NPAS3: variants seen among roughly 807,000 people sequenced by gnomAD.
NPAS3 encodes neuronal PAS domain protein 3.
A neutral mutation model predicts 73.1 loss-of-function variants in NPAS3; 14 were observed. The observed-to-expected ratio is 0.19, with a 90% CI of 0.13 to 0.30. The LOEUF (loss-of-function observed/expected upper bound fraction) is 0.30, where lower values mean the gene tolerates loss of function less well. Among genes scored for constraint, NPAS3 ranks in the 10% least tolerant of loss-of-function variants. The pLI is 1.00. For missense variants in NPAS3, 1,096 were observed against 1,250.0 expected (o/e 0.88, Z 1.86); for synonymous variants, 620 against 541.5 (o/e 1.14, Z -2.01).
chr14:33,286,906 T>A (rs1207156043), intron 3 of NPAS3, among the ~76,000 whole-genome samples: 2 of 152,178 alleles, frequency 1.3e-5, no homozygotes, highest in Non-Finnish European at 1.5e-5. Flanking sequence ...AGCCGTGATT[T>A]CCTTAAAAAT....
At chr14:33,775,416 A>G (rs2138480237) in intron 8 of NPAS3, among the ~76,000 whole-genome samples, 1 of 152,294 alleles carries the variant, frequency 6.6e-6, no homozygotes, top group African/African-American at 2.4e-5. Flanking sequence ...GAGCCCTGCA[A>G]GTGCCTTCAG....
intron 3 of NPAS3, among the ~76,000 whole-genome samples, chr14:33,221,485 G>A (rs964280034): frequency 5.3e-5 from 8 of 152,092 alleles, no homozygotes; most frequent in Non-Finnish European, 8.8e-5. Context: ...AAGTGGGCTC[G>A]GCATGGTGGC....
At position 33,792,418 on chromosome 14, in the gene NPAS3, T is replaced by A. The variant is rs1179967524; in HGVS notation, c.1154-1479T>A. 2.6e-5 allele frequency among the ~76,000 whole-genome samples: 4 copies of A among 152,134 alleles called. No homozygotes were observed. In the South Asian group the frequency reaches 8.3e-4, roughly 32 times the overall value. On this transcript the variant is annotated intron_variant, in intron 9 of 11. Coordinates refer to ENST00000356141, the Ensembl canonical transcript of NPAS3. ...TGTGCTGTGAGAAAAAAAAGGAGAA[T>A]GGAAGAAAACCTTCCAAGTTTATAT...
At chr14:32,996,377 A>G (rs561629953) in intron 1 of NPAS3, among the ~76,000 whole-genome samples, 46 of 152,324 alleles carry the variant, frequency 3.0e-4, no homozygotes, top group Middle Eastern at 6.8e-3. Context: ...GGCTGCAGAA[A>G]TTTGCATAAA....
chr14:33,775,279 G>T (rs938736283), intron 8 of NPAS3, among the ~76,000 whole-genome samples: 3 of 152,176 alleles, frequency 2.0e-5, no homozygotes, highest in African/African-American at 7.2e-5. Flanking sequence ...GTGGAGAGGA[G>T]CCGCCCACAT....
chr14:32,959,870 G>C (rs755224439), intron 1 of NPAS3, among the ~76,000 whole-genome samples: 13 of 152,252 alleles, frequency 8.5e-5, no homozygotes, highest in Middle Eastern at 6.8e-3. Context: ...CCACAAAGAG[G>C]GGATATGCTG....
chr14:33,306,810 G>A, intron 3 of NPAS3, among the ~76,000 whole-genome samples: 1 of 152,232 alleles, frequency 6.6e-6, no homozygotes, highest in East Asian at 1.9e-4. Flanking sequence ...ATTTGTGTTT[G>A]CCCCTCATTC....
chr14:33,241,397 TAGAAG>T (rs2048209855), intron 3 of NPAS3, among the ~76,000 whole-genome samples: 1 of 151,984 alleles, frequency 6.6e-6, no homozygotes, highest in Non-Finnish European at 1.5e-5. Flanking sequence ...GTAGCTGTCT[TAGAAG>T]AGAGCATGCC....
At chr14:33,543,712 T>C (rs970285038) in intron 4 of NPAS3, among the ~76,000 whole-genome samples, 1 of 152,088 alleles carries the variant, frequency 6.6e-6, no homozygotes, top group African/African-American at 2.4e-5. Context: ...ATCATCTTCT[T>C]GTCCCACCTC....
At chr14:33,730,789 G>A (rs1279654995) in intron 6 of NPAS3, among the ~76,000 whole-genome samples, 1 of 152,182 alleles carries the variant, frequency 6.6e-6, no homozygotes, top group Non-Finnish European at 1.5e-5. Context: ...ATATGCCAGT[G>A]GAACAATCTG....
At chr14:33,123,688 A>T (rs1184032292) in intron 2 of NPAS3, among the ~76,000 whole-genome samples, 1 of 152,052 alleles carries the variant, frequency 6.6e-6, no homozygotes, top group Non-Finnish European at 1.5e-5. Flanking sequence ...TGGGGAAATA[A>T]TGGTAAGCTT....
chr14:33,732,875 G>T (rs1202676449), intron 6 of NPAS3, among the ~76,000 whole-genome samples: 3 of 152,202 alleles, frequency 2.0e-5, no homozygotes, highest in Non-Finnish European at 2.9e-5. Flanking sequence ...CGTGAAGCTT[G>T]TGTCTTCACC....
chr14:33,329,030 T>A lies in NPAS3; in HGVS notation c.386-38156T>A, dbSNP rs1199095981. 3.9e-5 allele frequency among the ~76,000 whole-genome samples: 6 copies of A among 152,194 alleles called. No individual in the cohort carries two copies. In the East Asian group the frequency reaches 1.2e-3, roughly 29 times the overall value. Reference sequence around the variant, plus strand: ...CTTTTTTCTCTATTTTTTTTGGCATTAATTTTACTGCTGTCTGGACATTCC... The same window carrying A: ...CTTTTTTCTCTATTTTTTTTGGCATAAATTTTACTGCTGTCTGGACATTCC... On this transcript the variant is annotated intron_variant, in intron 3 of 11. Transcript: ENST00000356141.
At chr14:33,208,339 G>T (rs1036852170) in intron 2 of NPAS3, among the ~76,000 whole-genome samples, 1 of 152,018 alleles carries the variant, frequency 6.6e-6, no homozygotes, top group Non-Finnish European at 1.5e-5. Flanking sequence ...GACTCATTCT[G>T]GAATTAAATC....
chr14:33,386,216 A>T (rs2046769906), intron 4 of NPAS3, among the ~76,000 whole-genome samples: 1 of 152,170 alleles, frequency 6.6e-6, no homozygotes, highest in Admixed American at 6.5e-5. Flanking sequence ...AGGGACAATA[A>T]ACTGTTTTCT....
intron 7 of NPAS3, among the ~76,000 whole-genome samples, chr14:33,739,910 T>C (rs545980209): frequency 6.6e-6 from 1 of 152,288 alleles, no homozygotes; most frequent in Admixed American, 6.5e-5. Flanking sequence ...TCTGCCACAC[T>C]TTCACCTGGA....
chr14:33,078,143 A>C (rs1360942169), intron 2 of NPAS3, among the ~76,000 whole-genome samples: 1 of 152,148 alleles, frequency 6.6e-6, no homozygotes, highest in Admixed American at 6.5e-5. Context: ...TTTCCAAAAA[A>C]AATAAATAAA....
chr14:33,177,109 T>TATCATC (rs1555350304), intron 2 of NPAS3, among the ~76,000 whole-genome samples: 2 of 145,160 alleles, frequency 1.4e-5, no homozygotes, highest in African/African-American at 5.1e-5. Context: ...TTATTATTAT[T>TATCATC]ATCTTTGAGA....
At chr14:33,566,380 G>A (rs1361248433) in intron 5 of NPAS3, among the ~76,000 whole-genome samples, 4 of 152,074 alleles carry the variant, frequency 2.6e-5, no homozygotes, top group Admixed American at 2.0e-4. Flanking sequence ...GGTTCCTCCC[G>A]GCAGGATCCT....
Sources: gnomAD v4.1 joint callset for allele counts (sites outside exome capture counted in the v4.1 genomes callset) on GRCh38, gnomAD v4.1.1 for gene constraint, MANE v1.5 for transcripts, NCBI Gene and HGNC (gene_info 2026-07-23, HGNC 2026-07-21) for gene names.